Variants in MYT1L observed in about 807,000 individuals in gnomAD.
MYT1L encodes the protein myelin transcription factor 1 like.
A neutral mutation model predicts 126.7 loss-of-function variants in MYT1L; 12 were observed. The ratio of observed to expected loss-of-function variants is 0.09; its 90% CI spans 0.06 to 0.15. The LOEUF is 0.15. Ranked by LOEUF, MYT1L falls within the 10% of genes least tolerant of loss-of-function variation. The probability of loss-of-function intolerance (pLI) is 1.00; values close to 1 mark genes in which losing one functional copy is unlikely to be tolerated. For synonymous variants in MYT1L, 541 were observed against 604.2 expected (o/e 0.90, Z 1.53); for missense variants, 979 against 1,585.2 (o/e 0.62, Z 6.49).
intron 9 of MYT1L, among the ~76,000 whole-genome samples, chr2:1,934,865 G>A (rs937668931): frequency 2.5e-4 from 38 of 152,216 alleles, no homozygotes; most frequent in African/African-American, 8.4e-4. Context: ...CGGAACCCGG[G>A]GAGCAGAGAT....
At chr2:1,897,361 C>A (rs2049731561) in intron 14 of MYT1L, among the ~76,000 whole-genome samples, 2 of 152,212 alleles carry the variant, frequency 1.3e-5, no homozygotes, top group Non-Finnish European at 2.9e-5. Context: ...GTGCTCTGTT[C>A]CCCCTCTTCC....
chr2:2,028,411 T>C (rs540032514), intron 4 of MYT1L, among the ~76,000 whole-genome samples: 1 of 152,198 alleles, frequency 6.6e-6, no homozygotes. Flanking sequence ...GAATAGTAGA[T>C]CGACAGTCCT....
intron 18 of MYT1L, among the ~76,000 whole-genome samples, chr2:1,882,085 G>A (rs1051332963): frequency 2.6e-5 from 4 of 152,122 alleles, no homozygotes; most frequent in South Asian, 2.1e-4. Context: ...CCCCTTCCCC[G>A]CTTTCCTCAC....
chr2:2,118,771 C>T (rs2080562737), intron 3 of MYT1L, among the ~76,000 whole-genome samples: 2 of 152,030 alleles, frequency 1.3e-5, no homozygotes, highest in Admixed American at 6.6e-5. Context: ...AACAATTATC[C>T]ATCAAATACC....
chr2:2,093,533 G>A (rs991864281), intron 3 of MYT1L, among the ~76,000 whole-genome samples: 7 of 151,992 alleles, frequency 4.6e-5, no homozygotes, highest in African/African-American at 1.5e-4. Flanking sequence ...TTGTTGATGG[G>A]GTTGTTTGTT....
At chr2:2,239,345 T>C (rs780362611) in intron 2 of MYT1L, among the ~76,000 whole-genome samples, 6 of 152,220 alleles carry the variant, frequency 3.9e-5, no homozygotes, top group Non-Finnish European at 5.9e-5. Flanking sequence ...CTCATGAACG[T>C]TTTTACAGAC....
At chr2:2,137,203 T>C (rs1454097019) in intron 3 of MYT1L, among the ~76,000 whole-genome samples, 1 of 152,136 alleles carries the variant, frequency 6.6e-6, no homozygotes, top group Non-Finnish European at 1.5e-5. Flanking sequence ...TACAAACAAA[T>C]GGAAGAACAT....
chr2:1,985,800 T>C (rs2060968306), intron 5 of MYT1L, among the ~76,000 whole-genome samples: 4 of 152,206 alleles, frequency 2.6e-5, no homozygotes, highest in Admixed American at 2.0e-4. Context: ...GGGAGCTCCA[T>C]CATTTTGACA....
chr2:1,815,847 C>A (rs2037540775), intron 21 of MYT1L, among the ~76,000 whole-genome samples: 1 of 152,174 alleles, frequency 6.6e-6, no homozygotes, highest in African/African-American at 2.4e-5. Flanking sequence ...ATGGCTTTTC[C>A]TGCATTCAAA....
chr2:2,289,857 T>G (rs1333188985), intron 1 of MYT1L, among the ~76,000 whole-genome samples: 3 of 152,200 alleles, frequency 2.0e-5, no homozygotes, highest in Non-Finnish European at 4.4e-5. Context: ...CAAACTCCAG[T>G]TCACCTGTGT....
At chr2:1,919,729 A>C (rs1042411793) in intron 10 of MYT1L, among the ~76,000 whole-genome samples, 2 of 151,264 alleles carry the variant, frequency 1.3e-5, no homozygotes, top group Admixed American at 1.3e-4. Flanking sequence ...AATTTAATTT[A>C]ATATTATTTT....
At chr2:2,021,341 C>T (rs2065010596) in intron 4 of MYT1L, among the ~76,000 whole-genome samples, 1 of 152,194 alleles carries the variant, frequency 6.6e-6, no homozygotes, top group Admixed American at 6.5e-5. Context: ...GGCTGATGCC[C>T]CAGACATGTC....
chr2:1,792,149 G>A, intron 24 of MYT1L, 142 bp from the exon 25 acceptor site: 1 of 1,209,546 alleles, frequency 8.3e-7, no homozygotes. Flanking sequence ...TTAAGTTTCT[G>A]GGGTCAGCCC....
chr2:2,096,749 A>G (rs1203958510), intron 3 of MYT1L, among the ~76,000 whole-genome samples: 1 of 152,080 alleles, frequency 6.6e-6, no homozygotes, highest in Non-Finnish European at 1.5e-5. Flanking sequence ...CTGAGGATGG[A>G]CTGTGTGCCA....
At chr2:2,303,796 T>C (rs2095820398) in intron 1 of MYT1L, 1 of 152,180 alleles carries the variant, frequency 6.6e-6, no homozygotes, top group Middle Eastern at 3.2e-3. Context: ...ATAGAAACCA[T>C]TGCCAAGGAT....
intron 4 of MYT1L, among the ~76,000 whole-genome samples, chr2:2,019,170 TGTGGGAGGGACCTG>T (rs2064766314): frequency 6.6e-6 from 1 of 152,186 alleles, no homozygotes; most frequent in Non-Finnish European, 1.5e-5. Context: ...TCTCATGTGT[TGTGGGAGGGACCTG>T]GTGGGAGGTA....
intron 14 of MYT1L, among the ~76,000 whole-genome samples, chr2:1,893,548 C>T (rs544833226): frequency 7.9e-5 from 12 of 152,154 alleles, no homozygotes; most frequent in Non-Finnish European, 1.6e-4. Context: ...CGGCAAAGCT[C>T]CAAGCTGCCT....
intron 18 of MYT1L, among the ~76,000 whole-genome samples, chr2:1,881,353 T>TGTGTGTGTG (rs1344449685): frequency 3.8e-5 from 5 of 132,778 alleles, no homozygotes; most frequent in African/African-American, 1.4e-4. Flanking sequence ...GGTTTGCAGG[T>TGTGTGTGTG]TCGTGTGTGT....
At chr2:2,270,920 C>T (rs1298995171) in intron 2 of MYT1L, among the ~76,000 whole-genome samples, 1 of 152,018 alleles carries the variant, frequency 6.6e-6, no homozygotes, top group South Asian at 2.1e-4. Flanking sequence ...CATTTCTTTT[C>T]CCTTCCTGGT....
Sources: gnomAD v4.1 joint callset for allele counts (sites outside exome capture counted in the v4.1 genomes callset) on GRCh38, gnomAD v4.1.1 for gene constraint, MANE v1.5 for transcripts, NCBI Gene and HGNC (gene_info 2026-07-23, HGNC 2026-07-21) for gene names.